The following STK3 variants were observed in gnomAD, a reference collection of about 807,000 sequenced individuals.
STK3 encodes the protein serine/threonine-protein kinase 3.
In STK3, 41 loss-of-function variants were observed where a neutral mutation model predicts 58.0. That is an observed-to-expected ratio of 0.71 (90% CI 0.55 to 0.92). The LOEUF (loss-of-function observed/expected upper bound fraction) is 0.92. Ranked by LOEUF, STK3 falls within the 40% of genes least tolerant of loss-of-function variation. The pLI is 0.00. For missense variants in STK3, 479 were observed against 602.7 expected, an observed-to-expected ratio of 0.79 and a Z score of 2.15; for synonymous variants, 170 against 191.0, an observed-to-expected ratio of 0.89 and a Z score of 0.91.
intron 3 of STK3, chr8:98,427,949 CCG>C: frequency 6.8e-7 from 1 of 1,467,622 alleles, no homozygotes. Context: ...TGTAGCGCCC[CCG>C]CGCGGCGCGG....
At chr8:98,377,106 C>T (rs2130996175) in intron 2 of STK3, among the ~76,000 whole-genome samples, 1 of 152,220 alleles carries the variant, frequency 6.6e-6, no homozygotes, top group East Asian at 1.9e-4. Context: ...TTTTAGACAT[C>T]AACTTCTCAG....
In STK3 at chr8:98,907,341, G is replaced by A. The variant is rs569384002; in HGVS notation, c.-78-23507C>T. 2.6e-4 allele frequency among the ~76,000 whole-genome samples: 40 copies of A among 151,686 alleles called. 1 individual carries two copies. The highest frequency in any genetic ancestry group is 2.2e-3 in the Admixed American group (34 of 15,238). On this transcript the variant is annotated intron_variant, in intron 1 of 1. Coordinates refer to the STK3 transcript ENST00000519420. ...ATCCTAGCTAACATGGTGAAACCCC[G>A]TCTTTACTAAAAATACAAAAAAATT...
At chr8:98,468,245 A>G (rs1442877724) in intron 10 of STK3, among the ~76,000 whole-genome samples, 1 of 152,242 alleles carries the variant, frequency 6.6e-6, no homozygotes, top group African/African-American at 2.4e-5. Context: ...ATAGTTCTGC[A>G]TTCTCACTTG....
chr8:98,372,087 G>C (rs1020555493), intron 2 of STK3, among the ~76,000 whole-genome samples: 1 of 152,180 alleles, frequency 6.6e-6, no homozygotes, highest in East Asian at 1.9e-4. Flanking sequence ...GACAGAGGCA[G>C]AGGTTGGAGT....
At chr8:98,436,191 C>G (rs1485114058) in intron 2 of STK3, among the ~76,000 whole-genome samples, 1 of 152,114 alleles carries the variant, frequency 6.6e-6, no homozygotes, top group Non-Finnish European at 1.5e-5. Context: ...GCTTTTCCCT[C>G]CCATCACCCC....
chr8:98,923,828 CGT>C (rs55929161), intron 1 of STK3, among the ~76,000 whole-genome samples: 17,530 of 143,882 alleles, frequency 0.12, 1,200 homozygotes, highest in South Asian at 0.23. Context: ...TTTGCAAAAA[CGT>C]GTGTGTGTGT....
At chr8:98,584,611 C>T (rs2131758836) in intron 7 of STK3, among the ~76,000 whole-genome samples, 2 of 149,010 alleles carry the variant, frequency 1.3e-5, no homozygotes, top group African/African-American at 4.9e-5. Flanking sequence ...TGGGTATATA[C>T]CCAGTAATGG....
intron 6 of STK3, among the ~76,000 whole-genome samples, chr8:98,700,558 T>C (rs1825493068): frequency 6.6e-6 from 1 of 152,186 alleles, no homozygotes; most frequent in Non-Finnish European, 1.5e-5. Flanking sequence ...TAAACAGAGA[T>C]TGTCATGCTT....
At chr8:98,693,843 A>T (rs1412883722) in intron 6 of STK3, among the ~76,000 whole-genome samples, 1 of 149,152 alleles carries the variant, frequency 6.7e-6, no homozygotes, top group East Asian at 2.0e-4. Context: ...TTCTCAAGCA[A>T]ATTTTATTAT....
intron 1 of STK3, among the ~76,000 whole-genome samples, chr8:98,918,061 A>G (rs2099213472): frequency 6.6e-6 from 1 of 152,216 alleles, no homozygotes; most frequent in Non-Finnish European, 1.5e-5. Context: ...AGTCTTTAAG[A>G]AGGGATAATA....
At chr8:98,940,340 G>A (rs1334437843) in intron 1 of STK3, among the ~76,000 whole-genome samples, 1 of 152,210 alleles carries the variant, frequency 6.6e-6, no homozygotes, top group Non-Finnish European at 1.5e-5. Flanking sequence ...GCAGCCGAGG[G>A]CCTCAGCTGG....
chr8:98,712,155 A>G (rs935404399), intron 4 of STK3, among the ~76,000 whole-genome samples: 10 of 152,218 alleles, frequency 6.6e-5, no homozygotes, highest in African/African-American at 2.4e-4. Flanking sequence ...GAAAGGAACA[A>G]CCAGTACCAG....
intron 9 of STK3, among the ~76,000 whole-genome samples, chr8:98,532,815 G>A (rs1826266412): frequency 6.6e-6 from 1 of 152,150 alleles, no homozygotes; most frequent in Non-Finnish European, 1.5e-5. Context: ...GCAAAATGGA[G>A]ACTCTTGTAC....
chr8:98,645,018 G>A (rs1820296897), intron 6 of STK3, among the ~76,000 whole-genome samples: 1 of 152,144 alleles, frequency 6.6e-6, no homozygotes, highest in Non-Finnish European at 1.5e-5. Context: ...TCACATTAAA[G>A]TCTCATTTCC....
At chr8:98,439,185 G>C (rs986595140) in intron 1 of STK3, 1 of 152,188 alleles carries the variant, frequency 6.6e-6, no homozygotes, top group Non-Finnish European at 1.5e-5. Flanking sequence ...CATGGATACA[G>C]GGATATTTTA....
chr8:98,769,349 A>G (rs2131457037), intron 2 of STK3, among the ~76,000 whole-genome samples: 1 of 152,202 alleles, frequency 6.6e-6, no homozygotes, highest in East Asian at 1.9e-4. Flanking sequence ...GGTCTTTCCC[A>G]TGCTGTTCTC....
chr8:98,722,333 G>A (rs1300094631), intron 4 of STK3, among the ~76,000 whole-genome samples: 1 of 152,098 alleles, frequency 6.6e-6, no homozygotes, highest in Non-Finnish European at 1.5e-5. Context: ...TGTTTACTTG[G>A]TCTCTTTTAA....
chr8:98,465,879 T>A (rs966173653), intron 10 of STK3, among the ~76,000 whole-genome samples: 1 of 152,206 alleles, frequency 6.6e-6, no homozygotes, highest in African/African-American at 2.4e-5. Context: ...ACCCATTTCT[T>A]ATGTGCATTT....
chr8:98,899,621 ATTT>A (rs955558256), intron 1 of STK3, among the ~76,000 whole-genome samples: 103 of 152,194 alleles, frequency 6.8e-4, no homozygotes, highest in African/African-American at 2.4e-3. Flanking sequence ...GCATCCTTGC[ATTT>A]TAGTATCCAT....
Sources: gnomAD v4.1 joint callset for allele counts (sites outside exome capture counted in the v4.1 genomes callset) on GRCh38, gnomAD v4.1.1 for gene constraint, MANE v1.5 for transcripts, NCBI Gene and HGNC (gene_info 2026-07-23, HGNC 2026-07-21) for gene names.